The following KCTD3 variants were observed in gnomAD, a reference collection of about 807,000 sequenced individuals.
KCTD3 encodes the protein potassium channel tetramerization domain containing 3, also known as BTB/POZ domain-containing protein KCTD3.
A neutral mutation model predicts 85.8 loss-of-function variants in KCTD3; 41 were observed. The observed-to-expected ratio is 0.48, with a 90% CI of 0.37 to 0.62. The LOEUF (loss-of-function observed/expected upper bound fraction) is 0.62. KCTD3 is among the 20% of genes least tolerant of loss of function. The probability of loss-of-function intolerance (pLI) is 0.00; values close to 1 mark genes in which losing one functional copy is unlikely to be tolerated. For synonymous variants in KCTD3, 338 were observed against 345.4 expected, an observed-to-expected ratio of 0.98 and a Z score of 0.24; for missense variants, 724 against 989.9, an observed-to-expected ratio of 0.73 and a Z score of 3.60.
chr1:215,588,728 A>G (rs762664738), intron 9 of KCTD3, among the ~76,000 whole-genome samples: 2 of 152,200 alleles, frequency 1.3e-5, no homozygotes, highest in Non-Finnish European at 2.9e-5. Context: ...AGATGGGTAC[A>G]AGTAAAACAC....
intron 14 of KCTD3, among the ~76,000 whole-genome samples, chr1:215,611,057 A>T (rs574010251): frequency 6.1e-4 from 93 of 152,082 alleles, no homozygotes; most frequent in African/African-American, 2.2e-3. Context: ...GTAATGGGAA[A>T]AGAGAATTAT....
intron 9 of KCTD3, among the ~76,000 whole-genome samples, chr1:215,594,015 A>G: frequency 6.6e-6 from 1 of 151,936 alleles, no homozygotes; most frequent in East Asian, 1.9e-4. Context: ...GTGTGCTACC[A>G]TACCCAGCTA....
intron 1 of KCTD3, among the ~76,000 whole-genome samples, chr1:215,571,631 T>A (rs976655030): frequency 5.0e-5 from 7 of 139,286 alleles, no homozygotes; most frequent in African/African-American, 2.2e-4. Context: ...GAGATAAACT[T>A]TTTTTTTTTT....
rs778477465 is a variant in KCTD3, at chr1:215,579,008, A to C, written c.406A>C (p.Ser136Arg). The C allele has an allele frequency of 6.4e-7, 1 of 1,552,692 alleles. No homozygotes were observed. Among genetic ancestry groups the C allele is most frequent in the East Asian group, 2.4e-5 (1 of 41,616 alleles). ...TCTTCTTCTCTTTATAGGTATTCCT[A>C]GTCGTAAAATAAACAACACAGTCAG... is the stretch of plus-strand genomic sequence containing the variant. ...HGYLPPPGIPSRKINNTVRSA... is the reference protein window; with the variant it reads ...HGYLPPPGIPRRKINNTVRSA... Residue 136 changes from serine (S) to arginine (R), a missense_variant, in exon 7 of 18, where the codon AGT becomes CGT. Transcript: ENST00000259154.
At chr1:215,601,688 A>G (rs1390483385) in intron 10 of KCTD3, among the ~76,000 whole-genome samples, 179 bp from the exon 11 acceptor site, 1 of 152,230 alleles carries the variant, frequency 6.6e-6, no homozygotes, top group African/African-American at 2.4e-5. Context: ...TCTCCTCTGT[A>G]GCATGTTTGT....
intron 8 of KCTD3, among the ~76,000 whole-genome samples, chr1:215,583,856 A>G (rs894493123): frequency 1.3e-5 from 2 of 152,228 alleles, no homozygotes; most frequent in Non-Finnish European, 2.9e-5. Flanking sequence ...TCTGACAAAA[A>G]GTGATGACTG....
At chr1:215,570,879 G>A (rs1042790266) in intron 1 of KCTD3, among the ~76,000 whole-genome samples, 8 of 152,168 alleles carry the variant, frequency 5.3e-5, no homozygotes, top group African/African-American at 1.7e-4. Context: ...AAACAGAAAA[G>A]GCTTTCAAAT....
At chr1:215,568,011 A>G (rs1213279562) in intron 1 of KCTD3, among the ~76,000 whole-genome samples, 1 of 152,210 alleles carries the variant, frequency 6.6e-6, no homozygotes, top group African/African-American at 2.4e-5. Flanking sequence ...CATGTGGCAG[A>G]GTAGCTGCTG....
Position 215,618,929 on chromosome 1 carries a change from T to C in KCTD3, c.1606T>C (p.Phe536Leu). 1 of 1,613,112 alleles carries C rather than the reference T, an allele frequency of 6.2e-7. No homozygotes were observed. The highest frequency in any genetic ancestry group is 8.5e-7 in the Non-Finnish European group (1 of 1,179,464). ...QAVDCTTISS[F>L]TVRECEGSSR... ...TGTTGACTGTACTACAATATCCTCA[T>C]TTACAGTGAGGGAATGTGAGGGATC... Residue 536 changes from phenylalanine (F) to leucine (L), a missense_variant, in exon 16 of 18, where the codon TTT (phenylalanine) becomes CTT (leucine). Around this residue, in one of 6 missense-constraint regions of KCTD3, gnomAD observed 136 missense variants for 197.6 expected, o/e 0.69. Transcript: ENST00000259154.
chr1:215,567,418 A>G lies in KCTD3; in HGVS notation c.-268A>G, dbSNP rs760117391. The G allele has an allele frequency of 9.0e-5, 20 of 222,432 alleles. No homozygotes were observed. Among genetic ancestry groups the G allele is most frequent in the Non-Finnish European group, 1.3e-4 (15 of 115,336 alleles). The allele number at this position is 222,432 out of a possible 1,614,324, so 13.8% of individuals were successfully genotyped here. ...TCGGTGGCAGCGGAGCACGGAGAAGAGGCCCGGGCGGCCCGGCGGCCTGGA... is the reference window on the plus strand; with the variant it reads ...TCGGTGGCAGCGGAGCACGGAGAAGGGGCCCGGGCGGCCCGGCGGCCTGGA... On this transcript the variant is annotated 5_prime_UTR_variant, in exon 1 of 18. Coordinates refer to ENST00000259154, the MANE Select transcript of KCTD3 (RefSeq NM_016121.5).
At chr1:215,600,788 A>C (rs1408628262) in intron 10 of KCTD3, among the ~76,000 whole-genome samples, 1 of 152,236 alleles carries the variant, frequency 6.6e-6, no homozygotes, top group Non-Finnish European at 1.5e-5. Flanking sequence ...TTAGACTTGT[A>C]TGCAAAACTT....
chr1:215,617,830 A>G (rs995703957), intron 15 of KCTD3, among the ~76,000 whole-genome samples: 1 of 147,646 alleles, frequency 6.8e-6, no homozygotes, highest in Non-Finnish European at 1.5e-5. Context: ...TATTAAATAT[A>G]TATTACATAT....
At chr1:215,575,123 G>C (rs1318076542) in intron 3 of KCTD3, among the ~76,000 whole-genome samples, 1 of 152,050 alleles carries the variant, frequency 6.6e-6, no homozygotes, top group Non-Finnish European at 1.5e-5. Flanking sequence ...ATAGTGGCAG[G>C]TGCCTCTAAT....
chr1:215,599,579 G>C (rs1229049144), intron 10 of KCTD3, among the ~76,000 whole-genome samples: 2 of 152,120 alleles, frequency 1.3e-5, no homozygotes, highest in Non-Finnish European at 2.9e-5. Flanking sequence ...ATACTAATCA[G>C]TATGGTTTCT....
chr1:215,601,188 C>T (rs528630008), intron 10 of KCTD3, among the ~76,000 whole-genome samples: 1 of 142,502 alleles, frequency 7.0e-6, no homozygotes, highest in South Asian at 2.4e-4. Flanking sequence ...CTGCCTGCCT[C>T]GGCAGGTTTC....
intron 10 of KCTD3, among the ~76,000 whole-genome samples, chr1:215,596,914 C>T (rs1375158677): frequency 6.6e-6 from 1 of 152,058 alleles, no homozygotes; most frequent in Non-Finnish European, 1.5e-5. Flanking sequence ...GGATCTACAG[C>T]ACAGCTAGAA....
chr1:215,588,844 T>G (rs1217984220), intron 9 of KCTD3, among the ~76,000 whole-genome samples: 1 of 152,192 alleles, frequency 6.6e-6, no homozygotes, highest in African/African-American at 2.4e-5. Context: ...GACAAGAGAT[T>G]GACTCTCTGC....
chr1:215,603,589 G>A (rs1558240755), intron 12 of KCTD3, among the ~76,000 whole-genome samples: 1 of 152,182 alleles, frequency 6.6e-6, no homozygotes, highest in South Asian at 2.1e-4. Context: ...TATATTTAAT[G>A]CTTGATTATT....
rs1418125786 is a variant in KCTD3 at position 215,567,615 on chromosome 1, G to C, written c.-71G>C. On this transcript the variant is annotated 5_prime_UTR_variant, in exon 1 of 18. Coordinates refer to ENST00000259154, the MANE Select transcript of KCTD3 (RefSeq NM_016121.5). Reference sequence around the variant, plus strand: ...GCCCTGCAGCCGTCGCCGCTGCCTCGGGCTACAGCCCCGGGCTCGGCGGTC... The same window carrying C: ...GCCCTGCAGCCGTCGCCGCTGCCTCCGGCTACAGCCCCGGGCTCGGCGGTC... 1.9e-5 allele frequency: 19 copies of C among 992,380 alleles called. No homozygotes were observed. Among genetic ancestry groups the C allele is most frequent in the Non-Finnish European group, 1.9e-5 (15 of 785,692 alleles). 61.5% of individuals were successfully genotyped at this position (992,380 alleles called of 1,614,324 possible).
Sources: allele counts gnomAD v4.1 joint callset (sites outside exome capture counted in the v4.1 genomes callset), GRCh38; gene constraint gnomAD v4.1.1; regional missense constraint gnomAD v4.1.1; transcripts MANE v1.5; gene names NCBI Gene and HGNC (gene_info 2026-07-23, HGNC 2026-07-21).